POLR2B: variants seen among roughly 807,000 people sequenced by gnomAD.
POLR2B encodes the protein DNA-directed RNA polymerase II subunit RPB2.
Under a neutral mutation model 144.6 loss-of-function variants are expected in POLR2B, and 57 were observed. That is an observed-to-expected ratio of 0.39 (90% CI 0.32 to 0.49). The LOEUF is 0.49. POLR2B is among the 20% of genes least tolerant of loss of function. POLR2B has a pLI of 0.83. For missense variants in POLR2B, 595 were observed against 1,467.4 expected, an observed-to-expected ratio of 0.41 and a Z score of 9.71; for synonymous variants, 442 against 469.8, an observed-to-expected ratio of 0.94 and a Z score of 0.77.
intron 18 of POLR2B, among the ~76,000 whole-genome samples, chr4:57,022,540 A>G (rs1004021336): frequency 7.2e-5 from 11 of 152,212 alleles, no homozygotes; most frequent in African/African-American, 2.7e-4. Context: ...TTCTGGGGAC[A>G]CACTTCACAC....
chr4:56,992,387 C>T (rs911323446), intron 3 of POLR2B, among the ~76,000 whole-genome samples: 4 of 120,490 alleles, frequency 3.3e-5, no homozygotes, highest in African/African-American at 6.3e-5. Flanking sequence ...ATTGCTTGAA[C>T]GTGGGAGACG....
rs1723610171 is a variant in POLR2B at position 57,023,285 on chromosome 4, T to C, written c.2516-45T>C. On this transcript the variant is annotated intron_variant, in intron 18 of 24. Coordinates refer to ENST00000314595, the MANE Select transcript of POLR2B (RefSeq NM_000938.3). This position sits in a 1 kb window ranked among gnomAD's most constrained non-coding sequence, Gnocchi z 4.3. ...ACTGATTCATGTATGTGGTTTTTAA[T>C]CTTTGTTGGGGATTATGTGACATTC... The C allele has an allele frequency of 6.2e-7, 1 of 1,603,506 alleles. No homozygotes were observed. The highest frequency in any genetic ancestry group is 1.1e-5 in the South Asian group (1 of 89,860).
intron 23 of POLR2B, among the ~76,000 whole-genome samples, chr4:57,025,808 CA>C (rs533602892): frequency 3.7e-4 from 57 of 152,180 alleles, no homozygotes; most frequent in Middle Eastern, 3.4e-3. Flanking sequence ...GAACTGGGCA[CA>C]AGCAATCCTA....
chr4:57,004,626 A>G (rs1042848940), intron 7 of POLR2B, among the ~76,000 whole-genome samples: 1 of 152,288 alleles, frequency 6.6e-6, no homozygotes, highest in African/African-American at 2.4e-5. Context: ...ATTTCTGTAA[A>G]TTGATTTTAG....
chr4:57,005,757 A>G (rs1560478143), intron 9 of POLR2B, 38 bp downstream of exon 9: 3 of 1,593,292 alleles, frequency 1.9e-6, no homozygotes, highest in South Asian at 2.2e-5. Flanking sequence ...AAGCAGGGAG[A>G]TTTATTTCAC....
chr4:57,029,667 A>C (rs1393975486), intron 23 of POLR2B, among the ~76,000 whole-genome samples: 1 of 152,158 alleles, frequency 6.6e-6, no homozygotes, highest in Non-Finnish European at 1.5e-5. Flanking sequence ...TTATGATTTC[A>C]AGGTTGATTG....
At chr4:57,003,565 GA>G (rs1378485576) in intron 7 of POLR2B, among the ~76,000 whole-genome samples, 1 of 152,124 alleles carries the variant, frequency 6.6e-6, no homozygotes, top group Non-Finnish European at 1.5e-5. Context: ...CTGTAGAAAA[GA>G]AATAGAATGG....
intron 2 of POLR2B, among the ~76,000 whole-genome samples, chr4:56,988,187 G>A (rs975744149): frequency 3.3e-5 from 5 of 152,102 alleles, no homozygotes; most frequent in Non-Finnish European, 7.4e-5. Context: ...GGGCCGGGGC[G>A]GCAGTTGCCA....
At chr4:57,002,689 A>G (rs1722892463) in intron 7 of POLR2B, 1 of 152,148 alleles carries the variant, frequency 6.6e-6, no homozygotes, top group South Asian at 2.1e-4. Context: ...AACTTGTGGA[A>G]TGGTCCTCGC....
At chr4:57,012,738 C>G (rs1723232150) in intron 13 of POLR2B, among the ~76,000 whole-genome samples, 1 of 152,164 alleles carries the variant, frequency 6.6e-6, no homozygotes, top group South Asian at 2.1e-4. Flanking sequence ...TATCTTAGCT[C>G]ACTGCAACCT....
chr4:56,982,012 T>C (rs1387498723), intron 1 of POLR2B, among the ~76,000 whole-genome samples: 2 of 152,252 alleles, frequency 1.3e-5, no homozygotes, highest in Non-Finnish European at 2.9e-5. Context: ...TTTTCTTATC[T>C]GACTTTTCTC....
intron 5 of POLR2B, 87 bp downstream of exon 5, chr4:56,994,953 A>G (rs2109662726): frequency 2.5e-6 from 2 of 789,034 alleles, no homozygotes; most frequent in South Asian, 3.7e-5. Context: ...AAAAGAAAGA[A>G]AGATTTTCCT....
intron 8 of POLR2B, 36 bp from the exon 9 acceptor site, chr4:57,005,564 T>A: frequency 6.5e-7 from 1 of 1,545,878 alleles, no homozygotes; most frequent in Non-Finnish European, 8.7e-7. Context: ...ACTAAGTGTT[T>A]TCCCTCTTTC....
At chr4:56,982,465 G>A (rs1315250222) in intron 1 of POLR2B, among the ~76,000 whole-genome samples, 3 of 151,888 alleles carry the variant, frequency 2.0e-5, no homozygotes, top group Admixed American at 6.6e-5. Flanking sequence ...CCAGCTCCTC[G>A]GGATACTGAG....
intron 2 of POLR2B, among the ~76,000 whole-genome samples, chr4:56,988,839 A>G (rs929527210): frequency 6.6e-6 from 1 of 152,214 alleles, no homozygotes; most frequent in Admixed American, 6.5e-5. Context: ...TATATTCTAC[A>G]TTCTCCCGGT....
At chr4:56,990,965 T>C (rs750042731) in intron 3 of POLR2B, 67 bp downstream of exon 3, 26 of 1,387,228 alleles carry the variant, frequency 1.9e-5, no homozygotes, top group Non-Finnish European at 2.5e-5. Flanking sequence ...GCCCTTCTCT[T>C]ACCTGGCTTA....
chr4:56,979,806 G>C (rs756382276), intron 1 of POLR2B, among the ~76,000 whole-genome samples: 1 of 151,640 alleles, frequency 6.6e-6, no homozygotes, highest in Non-Finnish European at 1.5e-5. Flanking sequence ...GGCTGAGGCC[G>C]GACGATCGCT....
intron 13 of POLR2B, among the ~76,000 whole-genome samples, chr4:57,011,543 G>A (rs2109692694): frequency 6.6e-6 from 1 of 151,868 alleles, no homozygotes; most frequent in South Asian, 2.1e-4. Flanking sequence ...ATAAAAAAAA[G>A]CCTGGGCATG....
chr4:57,020,600 G>A (rs765334246), intron 16 of POLR2B, among the ~76,000 whole-genome samples: 2 of 152,144 alleles, frequency 1.3e-5, no homozygotes, highest in African/African-American at 2.4e-5. Context: ...TGAGGATCAG[G>A]AAACTTGGTT....
Sources: gnomAD v4.1 joint callset for allele counts (sites outside exome capture counted in the v4.1 genomes callset) on GRCh38, gnomAD v4.1.1 for gene constraint, Gnocchi (gnomAD v3.1) non-coding constraint, MANE v1.5 for transcripts, NCBI Gene and HGNC (gene_info 2026-07-23, HGNC 2026-07-21) for gene names.